Variants in ARHGAP10 observed in about 807,000 individuals in gnomAD.
ARHGAP10 encodes Rho GTPase activating protein 10.
In ARHGAP10, 87 loss-of-function variants were observed where a neutral mutation model predicts 108.6. That is an observed-to-expected ratio of 0.80 (90% CI 0.67 to 0.96). ARHGAP10 has a LOEUF of 0.96. Among genes scored for constraint, ARHGAP10 ranks in the 40% least tolerant of loss-of-function variants. ARHGAP10 has a pLI of 0.00. For missense variants in ARHGAP10, 939 were observed against 954.5 expected, an observed-to-expected ratio of 0.98 and a Z score of 0.21; for synonymous variants, 347 against 341.1, an observed-to-expected ratio of 1.02 and a Z score of -0.19.
chr4:147,832,542 G>T lies in ARHGAP10; in HGVS notation c.312+9585G>T, dbSNP rs1389783030. 4.7e-5 allele frequency among the ~76,000 whole-genome samples: 7 copies of T among 150,536 alleles called. 1 individual carries two copies. In the Admixed American group the frequency reaches 4.7e-4, roughly 10 times the overall value. The stretch of plus-strand genomic sequence containing the variant: ...GGCACCTGTAATCCTAGCTACTTAG[G>T]AGGCTGAGGCAGGAGAATCGCTTGA... On this transcript the variant is annotated intron_variant, in intron 3 of 22. Coordinates refer to ENST00000336498, the MANE Select transcript of ARHGAP10 (RefSeq NM_024605.4).
intron 3 of ARHGAP10, among the ~76,000 whole-genome samples, chr4:147,832,411 G>GGC (rs1372777670): frequency 6.6e-6 from 1 of 151,550 alleles, no homozygotes; most frequent in African/African-American, 2.4e-5. Context: ...CACTTTGGGA[G>GGC]GCCGAGGTGG....
At chr4:147,804,407 G>A (rs1731699161) in intron 1 of ARHGAP10, among the ~76,000 whole-genome samples, 1 of 152,118 alleles carries the variant, frequency 6.6e-6, no homozygotes, top group South Asian at 2.1e-4. Context: ...TACTGTTGGT[G>A]GACATCTAGG....
At chr4:147,794,535 C>T (rs963550989) in intron 1 of ARHGAP10, among the ~76,000 whole-genome samples, 41 of 152,144 alleles carry the variant, frequency 2.7e-4, no homozygotes, top group African/African-American at 9.2e-4. Context: ...TATACACACT[C>T]GACAAGTGTC....
chr4:147,896,149 A>G (rs1276779142), intron 10 of ARHGAP10, among the ~76,000 whole-genome samples: 1 of 152,166 alleles, frequency 6.6e-6, no homozygotes, highest in Admixed American at 6.5e-5. Context: ...ATTTATGTTC[A>G]TGAGAGATGT....
At chr4:147,977,638 C>T (rs185595594) in intron 18 of ARHGAP10, among the ~76,000 whole-genome samples, 3 of 152,180 alleles carry the variant, frequency 2.0e-5, no homozygotes, top group Admixed American at 6.5e-5. Flanking sequence ...ATCTCAGCTC[C>T]ACTCAATTGT....
intron 16 of ARHGAP10, among the ~76,000 whole-genome samples, chr4:147,956,631 A>G (rs867139953): frequency 8.5e-5 from 13 of 152,076 alleles, no homozygotes; most frequent in Non-Finnish European, 1.6e-4. Flanking sequence ...TTGGAGGACA[A>G]TTGTTTCATG....
intron 1 of ARHGAP10, among the ~76,000 whole-genome samples, chr4:147,783,131 TTATA>T: frequency 7.0e-6 from 1 of 142,710 alleles, no homozygotes; most frequent in East Asian, 2.0e-4. Context: ...ATTATATAAT[TTATA>T]TAACACACAT....
intron 3 of ARHGAP10, among the ~76,000 whole-genome samples, chr4:147,823,585 G>T (rs567537039): frequency 6.3e-4 from 95 of 151,002 alleles, no homozygotes; most frequent in African/African-American, 2.2e-3. Flanking sequence ...TGGTGAAACC[G>T]CATCTCTACA....
chr4:147,929,049 T>A (rs1737570493), intron 13 of ARHGAP10, among the ~76,000 whole-genome samples: 1 of 152,206 alleles, frequency 6.6e-6, no homozygotes, highest in Non-Finnish European at 1.5e-5. Context: ...TTGTAATAAT[T>A]TATATTTTGT....
chr4:147,788,869 A>T (rs1731002533), intron 1 of ARHGAP10, among the ~76,000 whole-genome samples: 1 of 152,236 alleles, frequency 6.6e-6, no homozygotes, highest in South Asian at 2.1e-4. Flanking sequence ...CAAGCTGTAC[A>T]GCAACATCTG....
At chr4:147,992,889 G>T (rs1040447303) in intron 18 of ARHGAP10, among the ~76,000 whole-genome samples, 1 of 152,094 alleles carries the variant, frequency 6.6e-6, no homozygotes, top group East Asian at 1.9e-4. Context: ...ATTGTTTTGC[G>T]ATGCTCTGGT....
chr4:147,887,736 CTTGTAG>C (rs1170336692), intron 10 of ARHGAP10, among the ~76,000 whole-genome samples: 3 of 151,824 alleles, frequency 2.0e-5, no homozygotes, highest in Non-Finnish European at 4.4e-5. Flanking sequence ...GTGGCGGGCG[CTTGTAG>C]TCCCAGCTAC....
chr4:147,936,514 A>T (rs1218769378), intron 13 of ARHGAP10, among the ~76,000 whole-genome samples: 2 of 150,802 alleles, frequency 1.3e-5, no homozygotes, highest in African/African-American at 2.4e-5. Flanking sequence ...TATTTTTAGT[A>T]GAGACGGGGT....
chr4:147,855,832 A>G (rs769623487), intron 4 of ARHGAP10, among the ~76,000 whole-genome samples: 3 of 152,214 alleles, frequency 2.0e-5, no homozygotes, highest in Non-Finnish European at 4.4e-5. Context: ...GACAGGGGAC[A>G]TACTGTCCTG....
chr4:147,823,778 C>CA (rs1345452925), intron 3 of ARHGAP10, among the ~76,000 whole-genome samples: 2 of 151,760 alleles, frequency 1.3e-5, no homozygotes, highest in African/African-American at 2.4e-5. Context: ...AAAAACAAAA[C>CA]AAAAAACAAA....
At chr4:148,007,754 C>T (rs539698159) in intron 18 of ARHGAP10, among the ~76,000 whole-genome samples, 7 of 152,278 alleles carry the variant, frequency 4.6e-5, no homozygotes, top group African/African-American at 1.7e-4. Flanking sequence ...GTTTTAACCT[C>T]TGGGGTCAAA....
intron 13 of ARHGAP10, among the ~76,000 whole-genome samples, chr4:147,934,351 G>A (rs112409497): frequency 3.5e-4 from 54 of 152,300 alleles, no homozygotes; most frequent in African/African-American, 1.2e-3. Context: ...GCTCCACCAA[G>A]GTTTCACAAA....
At chr4:147,960,136 G>A (rs1560846301) in intron 16 of ARHGAP10, among the ~76,000 whole-genome samples, 1 of 151,818 alleles carries the variant, frequency 6.6e-6, no homozygotes, top group East Asian at 1.9e-4. Flanking sequence ...TTAGTATCTT[G>A]TTTTTTATAC....
chr4:148,055,988 G>A (rs1034416696), intron 20 of ARHGAP10, among the ~76,000 whole-genome samples: 2 of 152,146 alleles, frequency 1.3e-5, no homozygotes, highest in Admixed American at 1.3e-4. Flanking sequence ...CCAGGGGTGA[G>A]CAAACCGTGG....
Sources: allele counts gnomAD v4.1 joint callset (sites outside exome capture counted in the v4.1 genomes callset), GRCh38; gene constraint gnomAD v4.1.1; transcripts MANE v1.5; gene names NCBI Gene and HGNC (gene_info 2026-07-23, HGNC 2026-07-21).